Variants in RPS27A observed in about 807,000 individuals in gnomAD.
The protein encoded by RPS27A is ribosomal protein S27a.
RPS27A carries 1 observed loss-of-function variant against 18.9 expected under a neutral mutation model. The observed-to-expected ratio is 0.05, with a 90% CI of 0.02 to 0.25. The LOEUF is 0.25. Among genes scored for constraint, RPS27A ranks in the 10% least tolerant of loss-of-function variants. The pLI is 1.00. For synonymous variants in RPS27A, 77 were observed against 63.7 expected (o/e 1.21, Z -0.99); for missense variants, 123 against 187.4 (o/e 0.66, Z 2.01).
Position 55,235,650 on chromosome 2 carries a change from AAGC to A in RPS27A, c.*75_*77del. On this transcript the variant is annotated 3_prime_UTR_variant, in exon 6 of 6. Coordinates refer to ENST00000272317, the MANE Select transcript of RPS27A (RefSeq NM_002954.6). ...TATTGCAGTAAAAAGAATGGTTTTT[AAGC>A]ACCAAATTGATGGTCACACCATTTC... 2.0e-6 allele frequency: 3 copies of A among 1,530,700 alleles called. No homozygotes were observed. The highest frequency in any genetic ancestry group is 2.7e-6 in the Non-Finnish European group (3 of 1,119,032). 94.8% of individuals were successfully genotyped at this position (1,530,700 alleles called of 1,614,324 possible). A position where few individuals can be genotyped will look rare whatever the true frequency, so the allele number is the denominator to read the frequency against.
chr2:55,232,766 G>C, intron 1 of RPS27A, 42 bp from the exon 2 acceptor site: 1 of 1,505,328 alleles, frequency 6.6e-7, no homozygotes, highest in Non-Finnish European at 9.2e-7. Flanking sequence ...CTTCTCTTGT[G>C]ATCCCTGACC....
chr2:55,232,585 G>A (rs1675519159), upstream of RPS27A: 3 of 590,304 alleles, frequency 5.1e-6, no homozygotes, highest in South Asian at 3.9e-5. Flanking sequence ...CACCGGGTTG[G>A]ATTGTCGCTG....
chr2:55,233,594 C>T, intron 3 of RPS27A, 177 bp downstream of exon 3: 1 of 638,232 alleles, frequency 1.6e-6, no homozygotes, highest in East Asian at 2.8e-5. Flanking sequence ...AGATTGGAAT[C>T]CTTGAGGTGT....
At chr2:55,232,902 A>G in intron 2 of RPS27A, 30 bp downstream of exon 2, 1 of 1,584,132 alleles carries the variant, frequency 6.3e-7, no homozygotes, top group Non-Finnish European at 8.6e-7. Context: ...GAGGAAGCCA[A>G]GGTCCGAATA....
intron 4 of RPS27A, 168 bp downstream of exon 4, chr2:55,234,372 C>T: frequency 1.5e-6 from 1 of 645,300 alleles, no homozygotes; most frequent in African/African-American, 1.8e-5. Flanking sequence ...CCACCTCAGC[C>T]TCCTGTAGTT....
Position 55,233,369 on chromosome 2 carries a change from C to T in RPS27A, c.55C>T (p.Pro19Ser), listed in dbSNP as rs772947068. 3 of 1,612,244 alleles carry T rather than the reference C, an allele frequency of 1.9e-6. No homozygotes were observed. Among genetic ancestry groups the T allele is most frequent in the African/African-American group, 2.7e-5 (2 of 75,012 alleles). The change falls in exon 3 of 6, where the codon CCC (proline) becomes TCC (serine). Residue 19 changes from proline (P) to serine (S), a missense_variant. By Grantham distance (74) the Pro-to-Ser change is moderately conservative. This residue lies in a region of RPS27A where 66 missense variants were observed against 72.6 expected (regional missense o/e 0.91). Transcript: ENST00000272317. The part of the protein sequence containing the change: ...TGKTITLEVE[P>S]SDTIENVKAK... The stretch of plus-strand genomic sequence containing the variant: ...TTCACTTTAACACTCATAGGTTGAA[C>T]CCTCGGATACGATAGAAAATGTAAA...
At position 55,234,413 on chromosome 2, in the gene RPS27A, G is replaced by A. The variant is rs1675688653; in HGVS notation, c.189+209G>A. 4 of 598,880 alleles carry A rather than the reference G, an allele frequency of 6.7e-6. No homozygotes were observed. The Admixed American group carries it at 8.8e-5, about 13-fold the overall frequency. 37.1% of individuals were successfully genotyped at this position (598,880 alleles called of 1,614,324 possible). A position where few individuals can be genotyped will look rare whatever the true frequency, so the allele number is the denominator to read the frequency against. On this transcript the variant is annotated intron_variant, in intron 4 of 5. Coordinates refer to ENST00000272317, the MANE Select transcript of RPS27A (RefSeq NM_002954.6). ...TATAGGCACCCGCCACCATGCCCAG[G>A]CTGGTCTCAAACTCCTGGGCATAAG...
intron 2 of RPS27A, 123 bp from the exon 3 acceptor site, chr2:55,233,240 T>TA (rs1675584594): frequency 1.2e-6 from 1 of 832,158 alleles, no homozygotes; most frequent in African/African-American, 1.7e-5. Flanking sequence ...GGGTGGGTAA[T>TA]AGGTCTCTCG....
rs1675600164 is a variant in RPS27A, at chr2:55,233,398, C to T, written c.84C>T (p.Ala28=). 1 of 1,613,356 alleles carries T rather than the reference C, an allele frequency of 6.2e-7. No homozygotes were observed. Among genetic ancestry groups the T allele is most frequent in the African/African-American group, 1.3e-5 (1 of 75,032 alleles). The change falls in exon 3 of 6, where the codon GCC becomes GCT. Residue 28 remains alanine, a synonymous_variant. Coordinates refer to ENST00000272317, the MANE Select transcript of RPS27A (RefSeq NM_002954.6). ...CGGATACGATAGAAAATGTAAAGGC[C>T]AAGATCCAGGATAAGGAAGGCAAGT... is the stretch of plus-strand genomic sequence containing the variant. ...EPSDTIENVK[A]KIQDKEGIPP...
At chr2:55,233,214 T>C (rs778754354) in intron 2 of RPS27A, 149 bp from the exon 3 acceptor site, 8 of 753,230 alleles carry the variant, frequency 1.1e-5, no homozygotes, top group Non-Finnish European at 1.6e-5. Context: ...GTAGCCGACT[T>C]GGGAGGTTGC....
Position 55,233,400 on chromosome 2 carries a change from A to G in RPS27A, c.86A>G (p.Lys29Arg). The change falls in exon 3 of 6, where the codon AAG becomes AGG. Residue 29 changes from lysine (K) to arginine (R), a missense_variant. Coordinates refer to ENST00000272317, the MANE Select transcript of RPS27A (RefSeq NM_002954.6). ...GATACGATAGAAAATGTAAAGGCCA[A>G]GATCCAGGATAAGGAAGGCAAGTAG... Reference protein sequence around the residue: ...PSDTIENVKAKIQDKEGIPPD... With the variant: ...PSDTIENVKARIQDKEGIPPD... 1 of 1,613,418 alleles carries G rather than the reference A, an allele frequency of 6.2e-7. No individual in the cohort carries two copies. Among genetic ancestry groups the G allele is most frequent in the Non-Finnish European group, 8.5e-7 (1 of 1,179,374 alleles).
Position 55,232,727 on chromosome 2 carries a change from G to A in RPS27A, c.-18+19G>A. On this transcript the variant is annotated intron_variant, in intron 1 of 5. Transcript: ENST00000272317. Reference sequence around the variant, plus strand: ...ATCTGCGGTGGGTGTCTGCACTTCGGCTGCTCTCGGGTTAGCACCCTATGG... The same window carrying A: ...ATCTGCGGTGGGTGTCTGCACTTCGACTGCTCTCGGGTTAGCACCCTATGG... 9.1e-7 allele frequency: 1 copy of A among 1,101,146 alleles called. No homozygotes were observed. The highest frequency in any genetic ancestry group is 1.4e-6 in the Non-Finnish European group (1 of 733,846). The allele number at this position is 1,101,146 out of a possible 1,614,324, so 68.2% of individuals were successfully genotyped here.
At chr2:55,235,051 C>A in intron 5 of RPS27A, 89 bp downstream of exon 5, 1 of 1,377,130 alleles carries the variant, frequency 7.3e-7, no homozygotes, top group Non-Finnish European at 1.0e-6. Flanking sequence ...TTTTCTTGGA[C>A]TTAAACACCC....
At chr2:55,232,109 G>A (rs1296504108), upstream of RPS27A, 1 of 153,446 alleles carries the variant, frequency 6.5e-6, no homozygotes, top group Admixed American at 6.5e-5. Flanking sequence ...GCTTCTGGAA[G>A]TGAGTGAAGG....
chr2:55,233,151 G>A (rs1434141643), intron 2 of RPS27A: 2 of 650,774 alleles, frequency 3.1e-6, no homozygotes, highest in East Asian at 2.7e-5. Flanking sequence ...GCGAGCACGT[G>A]TGGCCCTGCG....
rs1471241918 is a variant in RPS27A, at chr2:55,234,851, G to A, written c.210G>A (p.Val70=). The A allele has an allele frequency of 6.2e-7, 1 of 1,612,448 alleles. No homozygotes were observed. The highest frequency in any genetic ancestry group is 8.5e-7 in the Non-Finnish European group (1 of 1,179,998). The stretch of plus-strand genomic sequence containing the variant: ...AACAGGAGTCTACTCTTCATCTTGT[G>A]TTGAGACTTCGTGGTGGTGCTAAGA... ...NIQKESTLHL[V]LRLRGGAKKR... Residue 70 remains valine, a synonymous_variant, in exon 5 of 6, where the codon GTG becomes GTA. Coordinates refer to ENST00000272317, the MANE Select transcript of RPS27A (RefSeq NM_002954.6).
intron 2 of RPS27A, 89 bp from the exon 3 acceptor site, chr2:55,233,274 G>A: frequency 9.0e-7 from 1 of 1,117,250 alleles, no homozygotes. Flanking sequence ...CCTGTCGCTG[G>A]TTCGGTTCAG....
At position 55,235,564 on chromosome 2, in the gene RPS27A, C is replaced by T. The variant is rs772621435; in HGVS notation, c.458C>T (p.Pro153Leu). ...KCCLTYCFNK[P>L]EDK ...TGTCTGACTTACTGTTTCAACAAAC[C>T]AGAAGACAAGTAACTGTATGAGTTA... Residue 153 changes from proline to leucine, a missense_variant, in exon 6 of 6, where the codon CCA becomes CTA. Pro to Leu is a moderately conservative substitution (Grantham distance 98). This residue lies in a region of RPS27A where 57 missense variants were observed against 114.8 expected (regional missense o/e 0.50). Transcript: ENST00000272317. 2 of 1,602,992 alleles carry T rather than the reference C, an allele frequency of 1.2e-6. No individual in the cohort carries two copies. The highest frequency in any genetic ancestry group is 1.1e-5 in the South Asian group (1 of 90,990).
At chr2:55,234,091 T>G (rs368705096) in intron 3 of RPS27A, 28 bp from the exon 4 acceptor site, 1 of 1,502,566 alleles carries the variant, frequency 6.7e-7, no homozygotes, top group Non-Finnish European at 9.3e-7. Context: ...TGGTGTGCTG[T>G]GACTTAATTT....
Sources: gnomAD v4.1 joint callset for allele counts on GRCh38, gnomAD v4.1.1 for gene constraint, gnomAD v4.1.1 regional missense constraint, MANE v1.5 for transcripts, NCBI Gene and HGNC (gene_info 2026-07-23, HGNC 2026-07-21) for gene names.